The following IGF1R variants were observed in gnomAD, a reference collection of about 807,000 sequenced individuals.
IGF1R encodes insulin like growth factor 1 receptor.
IGF1R carries 44 observed loss-of-function variants against 144.6 expected under a neutral mutation model. That is an observed-to-expected ratio of 0.30 (90% CI 0.24 to 0.39). The LOEUF is 0.39. Among genes scored for constraint, IGF1R ranks in the 10% least tolerant of loss-of-function variants. The pLI is 1.00. For missense variants in IGF1R, 1,355 were observed against 1,833.7 expected (o/e 0.74, Z 4.77); for synonymous variants, 795 against 722.8 (o/e 1.10, Z -1.60).
chr15:98,672,017 G>A (rs2052905637), intron 1 of IGF1R, among the ~76,000 whole-genome samples: 1 of 152,168 alleles, frequency 6.6e-6, no homozygotes, highest in Admixed American at 6.5e-5. Flanking sequence ...TTTATGGTGT[G>A]TATATTAATA....
At chr15:98,854,947 C>CT (rs954833438) in intron 2 of IGF1R, among the ~76,000 whole-genome samples, 3 of 152,078 alleles carry the variant, frequency 2.0e-5, no homozygotes. Flanking sequence ...CCCTGCCCCC[C>CT]CCAACACATG....
At chr15:98,862,593 C>T (rs934810227) in intron 2 of IGF1R, among the ~76,000 whole-genome samples, 1 of 152,138 alleles carries the variant, frequency 6.6e-6, no homozygotes. Flanking sequence ...CTATCAGTGA[C>T]TTTATCTTGA....
At chr15:98,780,272 CG>C (rs2141391304) in intron 2 of IGF1R, among the ~76,000 whole-genome samples, 1 of 151,680 alleles carries the variant, frequency 6.6e-6, no homozygotes, top group East Asian at 1.9e-4. Flanking sequence ...CAGAGTAGGC[CG>C]GGTGTGGTGG....
intron 10 of IGF1R, among the ~76,000 whole-genome samples, chr15:98,921,343 T>C (rs1467961887): frequency 6.6e-6 from 1 of 152,226 alleles, no homozygotes; most frequent in Admixed American, 6.5e-5. Flanking sequence ...CCCTCATGCC[T>C]CATCTGCCCT....
At chr15:98,938,184 G>A (rs944717170) in intron 17 of IGF1R, among the ~76,000 whole-genome samples, 1 of 152,226 alleles carries the variant, frequency 6.6e-6, no homozygotes, top group African/African-American at 2.4e-5. Context: ...GTGGCCCCAG[G>A]TCATCTTCTC....
rs1438888613 is a variant in IGF1R, at chr15:98,961,542, CTG to C, written c.*4106_*4107del. 6 of 231,864 alleles carry C rather than the reference CTG, an allele frequency of 2.6e-5. No homozygotes were observed. Among genetic ancestry groups the C allele is most frequent in the Admixed American group, 5.6e-5 (1 of 17,732 alleles). The allele number at this position is 231,864 out of a possible 1,614,324, so 14.4% of individuals were successfully genotyped here. Reference sequence around the variant, plus strand: ...GATTTCTCTGCCTCTTGATTTTTCTCTGTGTGTTCCAAATAATCTTAAGCTGA... The same window carrying C: ...GATTTCTCTGCCTCTTGATTTTTCTCTGTGTTCCAAATAATCTTAAGCTGA... On this transcript the variant is annotated 3_prime_UTR_variant, in exon 21 of 21. Coordinates refer to ENST00000650285, the MANE Select transcript of IGF1R (RefSeq NM_000875.5).
intron 1 of IGF1R, among the ~76,000 whole-genome samples, chr15:98,677,279 AG>A (rs2053071904): frequency 6.6e-6 from 1 of 152,272 alleles, no homozygotes; most frequent in Middle Eastern, 3.4e-3. Flanking sequence ...GTGTGAGGAA[AG>A]CTCTGGTATT....
intron 8 of IGF1R, among the ~76,000 whole-genome samples, chr15:98,914,523 G>A (rs7169544): frequency 0.49 from 73,933 of 152,030 alleles, 18,744 homozygotes; most frequent in African/African-American, 0.65. Flanking sequence ...AGTGCTTATT[G>A]AAACAAAATT....
intron 13 of IGF1R, among the ~76,000 whole-genome samples, chr15:98,927,840 C>T (rs1393820567): frequency 1.3e-5 from 2 of 152,194 alleles, no homozygotes; most frequent in Non-Finnish European, 2.9e-5. Flanking sequence ...AGGGGACTTA[C>T]GATTAATGTT....
chr15:98,858,639 C>T (rs1166263404), intron 2 of IGF1R, among the ~76,000 whole-genome samples: 2 of 152,200 alleles, frequency 1.3e-5, no homozygotes, highest in African/African-American at 4.8e-5. Flanking sequence ...TTCGGAGGCA[C>T]AGACTCCACC....
intron 7 of IGF1R, among the ~76,000 whole-genome samples, chr15:98,912,799 A>G (rs1395208593): frequency 6.6e-6 from 1 of 152,230 alleles, no homozygotes; most frequent in Non-Finnish European, 1.5e-5. Flanking sequence ...AAGGAATAGT[A>G]ACTATTGAAT....
intron 2 of IGF1R, among the ~76,000 whole-genome samples, chr15:98,870,849 A>G (rs562450857): frequency 3.2e-4 from 48 of 152,328 alleles, no homozygotes; most frequent in Non-Finnish European, 5.6e-4. Flanking sequence ...TTCCGTTGCA[A>G]TGGCCTTGAG....
chr15:98,795,418 GT>G (rs2056218177), intron 2 of IGF1R, among the ~76,000 whole-genome samples: 1 of 151,976 alleles, frequency 6.6e-6, no homozygotes, highest in African/African-American at 2.4e-5. Context: ...GTTTTGTTTT[GT>G]TTTGTTTTGT....
rs192257663 is a variant in IGF1R, at chr15:98,940,973, C to G, written c.3457+1613C>G. ...AGGAAAGAGCCGCCCGCGTCCCTGG[C>G]TGGGCTTCCTTGGTGCACCCAGCTC... On this transcript the variant is annotated intron_variant, in intron 18 of 20. Transcript: ENST00000650285. Among the ~76,000 whole-genome samples, 1,065 of 152,342 alleles carry G rather than the reference C, an allele frequency of 7.0e-3. 27 individuals carry two copies. The highest frequency in any genetic ancestry group is 4.8e-3 in the Non-Finnish European group (328 of 68,030).
chr15:98,858,356 A>G (rs779804188), intron 2 of IGF1R, among the ~76,000 whole-genome samples: 2 of 152,170 alleles, frequency 1.3e-5, no homozygotes, highest in Non-Finnish European at 2.9e-5. Context: ...ATTTAAATTC[A>G]TTTTGTCTTC....
intron 15 of IGF1R, among the ~76,000 whole-genome samples, chr15:98,932,029 G>C (rs987195646): frequency 6.6e-6 from 1 of 152,234 alleles, no homozygotes; most frequent in Admixed American, 6.5e-5. Flanking sequence ...GCTTTGAAAT[G>C]CGGCACTAGA....
intron 1 of IGF1R, among the ~76,000 whole-genome samples, chr15:98,656,761 A>G (rs746183016): frequency 2.0e-5 from 3 of 152,232 alleles, no homozygotes; most frequent in Non-Finnish European, 4.4e-5. Context: ...TAAGAGTTAC[A>G]TAATACGAAT....
At chr15:98,828,832 T>A in intron 2 of IGF1R, among the ~76,000 whole-genome samples, 1 of 150,508 alleles carries the variant, frequency 6.6e-6, no homozygotes, top group East Asian at 2.0e-4. Context: ...GCCTAGGGAA[T>A]GCCTAATATG....
intron 4 of IGF1R, 146 bp from the exon 5 acceptor site, chr15:98,899,331 T>C: frequency 1.2e-6 from 1 of 812,112 alleles, no homozygotes; most frequent in South Asian, 1.5e-5. Context: ...GGAAGTGTGT[T>C]TTTGTCAGGG....
Sources: gnomAD v4.1 joint callset for allele counts (sites outside exome capture counted in the v4.1 genomes callset) on GRCh38, gnomAD v4.1.1 for gene constraint, MANE v1.5 for transcripts, NCBI Gene and HGNC (gene_info 2026-07-23, HGNC 2026-07-21) for gene names.